HIPK2: variants seen among roughly 807,000 people sequenced by gnomAD.
HIPK2 encodes the protein homeodomain interacting protein kinase 2, also known as homeodomain-interacting protein kinase 2.
In HIPK2, 27 loss-of-function variants were observed where a neutral mutation model predicts 113.7. That is an observed-to-expected ratio of 0.24 (90% confidence interval 0.17 to 0.33). The LOEUF (loss-of-function observed/expected upper bound fraction) is 0.33. HIPK2 is among the 10% of genes least tolerant of loss of function. The probability of loss-of-function intolerance (pLI) is 1.00; values close to 1 mark genes in which losing one functional copy is unlikely to be tolerated. For synonymous variants in HIPK2, 631 were observed against 642.2 expected (o/e 0.98, Z 0.26); for missense variants, 1,257 against 1,588.0 (o/e 0.79, Z 3.54).
At chr7:139,764,720 A>G (rs1225724749) in intron 1 of HIPK2, among the ~76,000 whole-genome samples, 1 of 152,172 alleles carries the variant, frequency 6.6e-6, no homozygotes, top group African/African-American at 2.4e-5. Flanking sequence ...CCTGGGAATG[A>G]TATGTCACCT....
intron 6 of HIPK2, among the ~76,000 whole-genome samples, chr7:139,626,109 T>C (rs982284463): frequency 6.4e-5 from 8 of 125,748 alleles, no homozygotes; most frequent in African/African-American, 3.9e-4. Context: ...TTTCTTTCCT[T>C]TTTTTTTTTT....
At chr7:139,702,634 T>C (rs1287200033) in intron 2 of HIPK2, among the ~76,000 whole-genome samples, 2 of 152,226 alleles carry the variant, frequency 1.3e-5, no homozygotes, top group East Asian at 3.9e-4. Flanking sequence ...GGTTTTGAGA[T>C]AACGATTACA....
At chr7:139,676,619 C>T (rs1802503569) in intron 2 of HIPK2, among the ~76,000 whole-genome samples, 1 of 152,114 alleles carries the variant, frequency 6.6e-6, no homozygotes, top group Non-Finnish European at 1.5e-5. Flanking sequence ...GTTCAACAGA[C>T]CAAAGCTAGA....
chr7:139,653,059 C>G (rs1801519514), intron 2 of HIPK2, among the ~76,000 whole-genome samples: 1 of 144,530 alleles, frequency 6.9e-6, no homozygotes, highest in Admixed American at 7.2e-5. Context: ...GAATGGCTTG[C>G]ACCTGGGAGG....
intron 6 of HIPK2, among the ~76,000 whole-genome samples, chr7:139,625,890 G>A (rs1399112031): frequency 2.0e-5 from 3 of 152,108 alleles, no homozygotes; most frequent in South Asian, 4.2e-4. Context: ...AAACTAGACT[G>A]GGTCCACTCT....
At chr7:139,620,263 C>T (rs1217441137) in intron 7 of HIPK2, 138 bp downstream of exon 7, 13 of 1,266,858 alleles carry the variant, frequency 1.0e-5, no homozygotes, top group Non-Finnish European at 2.2e-6. Context: ...AGGAAATAAC[C>T]TTGGATGCAA....
intron 12 of HIPK2, among the ~76,000 whole-genome samples, chr7:139,586,001 A>G (rs987145798): frequency 2.6e-5 from 4 of 152,230 alleles, no homozygotes; most frequent in African/African-American, 9.6e-5. Context: ...GGAGGACTGT[A>G]TAACAACATG....
chr7:139,730,376 T>C (rs1027129584), intron 1 of HIPK2, among the ~76,000 whole-genome samples: 1 of 152,060 alleles, frequency 6.6e-6, no homozygotes, highest in African/African-American at 2.4e-5. Context: ...TTTTTTTTTT[T>C]TGGAGACAAA....
chr7:139,733,378 C>A (rs1482336399), intron 1 of HIPK2, among the ~76,000 whole-genome samples: 1 of 152,176 alleles, frequency 6.6e-6, no homozygotes, highest in Non-Finnish European at 1.5e-5. Flanking sequence ...ACTTTCAAAG[C>A]TTCTGCATCT....
Position 139,583,852 on chromosome 7 carries a change from C to T in HIPK2, c.2930G>A (p.Ser977Asn). Residue 977 changes from serine (S) to asparagine (N), a missense_variant, in exon 13 of 15, where the codon AGC (serine) becomes AAC (asparagine). Ser to Asn is a conservative substitution (Grantham distance 46, BLOSUM62 1). This residue lies in a region of HIPK2 where 862 missense variants were observed against 1,004.3 expected (regional missense o/e 0.86). Transcript: ENST00000406875. The part of the protein sequence containing the change: ...IIVPPLKTQA[S>N]EVLVECDSLV... ...GCTATCACACTCCACCAATACTTCGCTGGCCTGGGTTTTCAGGGGTGGCAC... is the reference window on the plus strand; with the variant it reads ...GCTATCACACTCCACCAATACTTCGTTGGCCTGGGTTTTCAGGGGTGGCAC... 1 of 1,612,824 alleles carries T rather than the reference C, an allele frequency of 6.2e-7. No homozygotes were observed. The highest frequency in any genetic ancestry group is 2.2e-5 in the East Asian group (1 of 44,848).
intron 12 of HIPK2, among the ~76,000 whole-genome samples, chr7:139,587,747 G>A (rs1279860201): frequency 6.6e-6 from 1 of 152,068 alleles, no homozygotes; most frequent in Non-Finnish European, 1.5e-5. Context: ...GCATGGTGGT[G>A]TGCACCTATA....
At chr7:139,717,774 C>T (rs1375138230) in intron 1 of HIPK2, among the ~76,000 whole-genome samples, 7 of 152,004 alleles carry the variant, frequency 4.6e-5, no homozygotes, top group Admixed American at 3.3e-4. Context: ...GACCGAGTCT[C>T]GCTCTTGTCA....
At chr7:139,644,315 T>C (rs148853355) in intron 2 of HIPK2, among the ~76,000 whole-genome samples, 2 of 152,322 alleles carry the variant, frequency 1.3e-5, no homozygotes, top group Admixed American at 6.5e-5. Context: ...AAAAGCCCTG[T>C]GGTATTTCCT....
chr7:139,605,645 G>C (rs1315581731), intron 9 of HIPK2, among the ~76,000 whole-genome samples: 1 of 152,120 alleles, frequency 6.6e-6, no homozygotes, highest in African/African-American at 2.4e-5. Context: ...CAGTTCACCT[G>C]TTCCGTTATT....
rs186362581 is a variant in HIPK2, at chr7:139,748,456, G to T, written c.19+29149C>A. ...AGTTCAAGATCACGGTGTCGACAGG[G>T]CCGGCTCCCTCCGAGGCTGTGAGGG... On this transcript the variant is annotated intron_variant, in intron 1 of 14. Transcript: ENST00000406875. Among the ~76,000 whole-genome samples, 1,391 of 151,768 alleles carry T rather than the reference G, an allele frequency of 9.2e-3. 76 individuals carry two copies. Among genetic ancestry groups the T allele is most frequent in the Admixed American group, 0.082 (1,254 of 15,236 alleles).
chr7:139,650,157 C>T (rs778191620), intron 2 of HIPK2, among the ~76,000 whole-genome samples: 7 of 152,006 alleles, frequency 4.6e-5, no homozygotes, highest in Non-Finnish European at 8.8e-5. Flanking sequence ...CAAGACCAGC[C>T]TGGCCAACAT....
intron 7 of HIPK2, among the ~76,000 whole-genome samples, chr7:139,619,818 T>C (rs1182866645): frequency 2.0e-5 from 3 of 152,166 alleles, no homozygotes; most frequent in African/African-American, 4.8e-5. Context: ...TGGAGTGCAA[T>C]GACATAATCA....
At chr7:139,730,733 T>C (rs1414636620) in intron 1 of HIPK2, among the ~76,000 whole-genome samples, 5 of 152,210 alleles carry the variant, frequency 3.3e-5, no homozygotes, top group African/African-American at 1.2e-4. Context: ...TGTTAAGTCC[T>C]AACCCCCAGT....
intron 2 of HIPK2, among the ~76,000 whole-genome samples, chr7:139,704,218 AAC>A (rs1372034582): frequency 1.0e-5 from 1 of 99,134 alleles, no homozygotes; most frequent in African/African-American, 4.3e-5. Context: ...CACCACACCC[AAC>A]ACACACTACA....
Sources: allele counts gnomAD v4.1 joint callset (sites outside exome capture counted in the v4.1 genomes callset), GRCh38; gene constraint gnomAD v4.1.1; regional missense constraint gnomAD v4.1.1; transcripts MANE v1.5; gene names NCBI Gene and HGNC (gene_info 2026-07-23, HGNC 2026-07-21).